The following PRKG1 variants were observed in gnomAD, a reference collection of about 807,000 sequenced individuals.
PRKG1 encodes the protein cGMP-dependent protein kinase 1.
A neutral mutation model predicts 88.1 loss-of-function variants in PRKG1; 35 were observed. The observed-to-expected ratio is 0.40, with a 90% CI of 0.30 to 0.53. PRKG1 has a LOEUF of 0.53. PRKG1 is among the 20% of genes least tolerant of loss of function. The pLI is 0.59. For synonymous variants in PRKG1, 303 were observed against 292.5 expected, an observed-to-expected ratio of 1.04 and a Z score of -0.37; for missense variants, 540 against 839.8, an observed-to-expected ratio of 0.64 and a Z score of 4.41.
chr10:52,200,103 G>C (rs1229364524), intron 9 of PRKG1, among the ~76,000 whole-genome samples: 1 of 151,914 alleles, frequency 6.6e-6, no homozygotes, highest in African/African-American at 2.4e-5. Flanking sequence ...GTGCAAGTTT[G>C]TTATGTAGGT....
At position 52,166,819 on chromosome 10, in the gene PRKG1, G is replaced by GTATATATGTA. The variant is rs1564498484; in HGVS notation, c.1076+4863_1076+4864insGTATATATAT. Among the ~76,000 whole-genome samples the GTATATATGTA allele has an allele frequency of 6.9e-3, 379 of 55,308 alleles. 9 individuals carry two copies. Among genetic ancestry groups the GTATATATGTA allele is most frequent in the African/African-American group, 0.019 (347 of 18,262 alleles). 36.3% of individuals were successfully genotyped at this position (55,308 alleles called of 152,430 possible). ...TATACATATATATATGTATATATAT[G>GTATATATGTA]TATATATATGTATATATATGTATAT... On this transcript the variant is annotated intron_variant, in intron 9 of 17. Transcript: ENST00000373980.
chr10:51,367,269 T>A (rs1193562368), intron 2 of PRKG1, among the ~76,000 whole-genome samples: 2 of 151,910 alleles, frequency 1.3e-5, no homozygotes, highest in East Asian at 3.9e-4. Flanking sequence ...TAAAAAGGGC[T>A]CAAAAAGAAA....
At chr10:51,002,885 GTTAGATCATAC>G (rs2132716513) in intron 1 of PRKG1, among the ~76,000 whole-genome samples, 1 of 152,278 alleles carries the variant, frequency 6.6e-6, no homozygotes, top group African/African-American at 2.4e-5. Context: ...CAGATACTGT[GTTAGATCATAC>G]TTAGATAAAC....
rs538904224 is a variant in PRKG1, at chr10:51,856,104, C to G, written c.699-51403C>G. On this transcript the variant is annotated intron_variant, in intron 4 of 17. Transcript: ENST00000373980. ...CATTGTTACATCACCACCTTCTGCC[C>G]CATTGACCCATAAGGACAATTATGG... Among the ~76,000 whole-genome samples, 6 of 152,228 alleles carry G rather than the reference C, an allele frequency of 3.9e-5. No homozygotes were observed. In the South Asian group the frequency reaches 1.2e-3, roughly 32 times the overall value.
At chr10:51,342,791 C>A (rs2132549867) in intron 2 of PRKG1, among the ~76,000 whole-genome samples, 1 of 152,278 alleles carries the variant, frequency 6.6e-6, no homozygotes, top group East Asian at 1.9e-4. Context: ...CTTATTGCTT[C>A]TTGTCCTAAA....
chr10:51,024,732 C>T (rs1181474177), intron 1 of PRKG1, among the ~76,000 whole-genome samples: 1 of 152,116 alleles, frequency 6.6e-6, no homozygotes, highest in African/African-American at 2.4e-5. Flanking sequence ...GAAGCAGGCA[C>T]TTCTTACATA....
chr10:52,130,639 C>A (rs749150586), intron 7 of PRKG1, among the ~76,000 whole-genome samples: 5 of 152,064 alleles, frequency 3.3e-5, no homozygotes, highest in Non-Finnish European at 7.4e-5. Context: ...TTGTTTTTGG[C>A]TGGCAGCAAT....
At chr10:51,147,314 A>G (rs1362189992) in intron 1 of PRKG1, among the ~76,000 whole-genome samples, 1 of 152,152 alleles carries the variant, frequency 6.6e-6, no homozygotes, top group Non-Finnish European at 1.5e-5. Flanking sequence ...GAAATAACAA[A>G]TGTTTAACGT....
chr10:51,569,458 A>G (rs914821747), intron 3 of PRKG1, among the ~76,000 whole-genome samples: 14 of 152,064 alleles, frequency 9.2e-5, no homozygotes, highest in African/African-American at 3.4e-4. Context: ...TGCCAGGTTA[A>G]ATAATGAACT....
intron 3 of PRKG1, among the ~76,000 whole-genome samples, chr10:51,541,065 C>T (rs1842288359): frequency 6.6e-6 from 1 of 152,084 alleles, no homozygotes; most frequent in Admixed American, 6.6e-5. Context: ...GCAGCAGTCC[C>T]CAACCTTTTT....
At chr10:51,375,001 A>G (rs186514893) in intron 2 of PRKG1, among the ~76,000 whole-genome samples, 24 of 152,262 alleles carry the variant, frequency 1.6e-4, no homozygotes, top group African/African-American at 5.3e-4. Context: ...GAGTCAGTAG[A>G]GTCTGCCAGC....
At chr10:51,736,802 C>CT (rs1204738786) in intron 3 of PRKG1, among the ~76,000 whole-genome samples, 227 of 145,600 alleles carry the variant, frequency 1.6e-3, no homozygotes, top group East Asian at 9.8e-3. Context: ...CTAATTTTAA[C>CT]TTTTTTTTTT....
At chr10:52,075,823 G>A (rs1040721153) in intron 7 of PRKG1, among the ~76,000 whole-genome samples, 2 of 152,224 alleles carry the variant, frequency 1.3e-5, no homozygotes, top group Non-Finnish European at 2.9e-5. Flanking sequence ...CATGTAGAGA[G>A]AGAAAAACCA....
chr10:51,552,709 A>G (rs942370949), intron 3 of PRKG1, among the ~76,000 whole-genome samples: 3 of 151,662 alleles, frequency 2.0e-5, no homozygotes, highest in African/African-American at 7.2e-5. Flanking sequence ...AGAAGCTGGT[A>G]TGAAATGTTT....
At chr10:51,648,973 GC>G (rs1839978004) in intron 3 of PRKG1, among the ~76,000 whole-genome samples, 1 of 152,098 alleles carries the variant, frequency 6.6e-6, no homozygotes, top group Non-Finnish European at 1.5e-5. Context: ...GTAGGATGAG[GC>G]GGGCGGAACA....
chr10:52,224,192 C>A (rs1188225003), intron 9 of PRKG1, among the ~76,000 whole-genome samples: 2 of 152,090 alleles, frequency 1.3e-5, no homozygotes, highest in South Asian at 4.1e-4. Context: ...TTCCTCTTCT[C>A]CTCTGCCTTC....
intron 3 of PRKG1, among the ~76,000 whole-genome samples, chr10:51,628,069 CTTCTTTCT>C (rs1214294976): frequency 0.042 from 4,964 of 117,534 alleles, 154 homozygotes; most frequent in Middle Eastern, 0.1. Context: ...TCTTTCTTTC[CTTCTTTCT>C]TTCTTTCTTT....
At chr10:50,997,527 G>A (rs1052992742) in intron 1 of PRKG1, among the ~76,000 whole-genome samples, 1 of 152,180 alleles carries the variant, frequency 6.6e-6, no homozygotes, top group Non-Finnish European at 1.5e-5. Context: ...GAGATGCTGA[G>A]AGTGCGTTAA....
chr10:52,238,909 T>G (rs1280972452), intron 9 of PRKG1, among the ~76,000 whole-genome samples: 18 of 141,148 alleles, frequency 1.3e-4, no homozygotes, highest in African/African-American at 4.6e-4. Flanking sequence ...TAGCAAAGAC[T>G]TGGAACCAAC....
Sources: allele counts gnomAD v4.1 joint callset (sites outside exome capture counted in the v4.1 genomes callset), GRCh38; gene constraint gnomAD v4.1.1; transcripts MANE v1.5; gene names NCBI Gene and HGNC (gene_info 2026-07-23, HGNC 2026-07-21).